Variants in CDRT4 observed in about 807,000 individuals in gnomAD.
CDRT4 encodes the protein CMT1A duplicated region transcript 4 protein.
For synonymous variants in CDRT4, 64 were observed against 69.6 expected, an observed-to-expected ratio of 0.92 and a Z score of 0.40; for missense variants, 167 against 193.1, an observed-to-expected ratio of 0.87 and a Z score of 0.80.
chr17:15,464,174 T>G lies in CDRT4; in HGVS notation c.-130+3286A>C, dbSNP rs1979887779. On this transcript the variant is annotated intron_variant, in intron 1 of 3. Coordinates refer to ENST00000619038, the MANE Select transcript of CDRT4 (RefSeq NM_001204477.2). The surrounding 1 kb of genome is among the most constrained non-coding windows in gnomAD (Gnocchi z 4.5). ...TAACCTCTCTGGCCGCGTTTTTCTC[T>G]GGTGATGTGTCACTGAGCTTGGGGA... is the stretch of plus-strand genomic sequence containing the variant. Among the ~76,000 whole-genome samples the G allele has an allele frequency of 6.6e-6, 1 of 152,104 alleles. No homozygotes were observed. Among genetic ancestry groups the G allele is most frequent in the Non-Finnish European group, 1.5e-5 (1 of 68,020 alleles).
intron 1 of CDRT4, among the ~76,000 whole-genome samples, chr17:15,455,326 G>A (rs887033): frequency 0.14 from 21,885 of 152,164 alleles, 2,739 homozygotes; most frequent in East Asian, 0.48. Flanking sequence ...CATGGAAATC[G>A]TTTTCCTCTG....
rs190485463 is a variant in CDRT4 at position 15,437,363 on chromosome 17, C to T, written c.*410G>A. The T allele has an allele frequency of 7.7e-5, 17 of 222,046 alleles. No individual in the cohort carries two copies. Among genetic ancestry groups the T allele is most frequent in the Admixed American group, 2.6e-4 (5 of 19,216 alleles). The allele number at this position is 222,046 out of a possible 1,614,324, so 13.8% of individuals were successfully genotyped here. On this transcript the variant is annotated 3_prime_UTR_variant, in exon 4 of 4. Coordinates refer to ENST00000619038, the MANE Select transcript of CDRT4 (RefSeq NM_001204477.2). ...AAGCCTCAAGTGTGATGCCTGCTTC[C>T]TGTGGTGCTACCTCCATGGATACCT...
At chr17:15,444,115 A>G (rs1399142917) in intron 2 of CDRT4, 18 of 1,266,708 alleles carry the variant, frequency 1.4e-5, no homozygotes, top group Admixed American at 1.7e-5. Flanking sequence ...ACAACAGTTA[A>G]AAACAAGGCA....
chr17:15,460,880 C>T (rs557928299), intron 1 of CDRT4, among the ~76,000 whole-genome samples: 5 of 152,110 alleles, frequency 3.3e-5, no homozygotes, highest in Non-Finnish European at 5.9e-5. Flanking sequence ...CTCCCTCCCC[C>T]GCCTTCCCCA....
chr17:15,442,284 C>G (rs1978799389), intron 2 of CDRT4, among the ~76,000 whole-genome samples: 1 of 151,996 alleles, frequency 6.6e-6, no homozygotes, highest in South Asian at 2.1e-4. Flanking sequence ...GTGATGCATG[C>G]CTGTAATCCC....
At chr17:15,457,817 G>C (rs1014613488) in intron 1 of CDRT4, among the ~76,000 whole-genome samples, 4 of 152,184 alleles carry the variant, frequency 2.6e-5, no homozygotes, top group Non-Finnish European at 5.9e-5. Flanking sequence ...CAGGGACGAG[G>C]CTAGGAGGTC....
chr17:15,445,431 T>A (rs1367032145), intron 2 of CDRT4, among the ~76,000 whole-genome samples: 1 of 152,188 alleles, frequency 6.6e-6, no homozygotes, highest in African/African-American at 2.4e-5. Context: ...GTCTGATATA[T>A]GTTAACTTGT....
intron 2 of CDRT4, among the ~76,000 whole-genome samples, chr17:15,443,445 A>AG: frequency 1.7e-5 from 1 of 59,156 alleles, no homozygotes; most frequent in South Asian, 1.0e-3. Context: ...ATAGCTGGAT[A>AG]ATTTTTTTTT....
intron 2 of CDRT4, among the ~76,000 whole-genome samples, chr17:15,446,319 A>G (rs1979024169): frequency 6.6e-6 from 1 of 152,094 alleles, no homozygotes; most frequent in Non-Finnish European, 1.5e-5. Context: ...TCCCATGGAA[A>G]CTGTCACCAT....
At chr17:15,440,616 A>G (rs1020206767) in intron 2 of CDRT4, among the ~76,000 whole-genome samples, 1 of 152,072 alleles carries the variant, frequency 6.6e-6, no homozygotes, top group Admixed American at 6.5e-5. Flanking sequence ...GTGAAAAAAA[A>G]AAGTCCCCGT....
At chr17:15,456,411 A>G (rs926344720) in intron 1 of CDRT4, among the ~76,000 whole-genome samples, 3 of 152,116 alleles carry the variant, frequency 2.0e-5, no homozygotes, top group Non-Finnish European at 2.9e-5. Flanking sequence ...AACTAAGTAA[A>G]AATGTTCTTG....
intron 1 of CDRT4, among the ~76,000 whole-genome samples, chr17:15,461,512 T>C (rs1001993195): frequency 6.6e-6 from 1 of 152,206 alleles, no homozygotes; most frequent in Non-Finnish European, 1.5e-5. Context: ...TCTGCTTCCT[T>C]AGTACCAGTA....
intron 2 of CDRT4, among the ~76,000 whole-genome samples, chr17:15,452,151 GACAA>G (rs1375283388): frequency 1.3e-5 from 2 of 152,190 alleles, no homozygotes; most frequent in African/African-American, 2.4e-5. Flanking sequence ...TGAAAAATAT[GACAA>G]ACAAATAGGA....
At chr17:15,443,974 T>C in intron 2 of CDRT4, 1 of 713,616 alleles carries the variant, frequency 1.4e-6, no homozygotes, top group Non-Finnish European at 2.6e-6. Flanking sequence ...ATCCAAAATT[T>C]CTTGGGTGAA....
At chr17:15,460,666 T>C (rs1979705132) in intron 1 of CDRT4, among the ~76,000 whole-genome samples, 1 of 152,108 alleles carries the variant, frequency 6.6e-6, no homozygotes, top group South Asian at 2.1e-4. Context: ...CTGGCCTCCC[T>C]GCTCCCACAC....
intron 1 of CDRT4, among the ~76,000 whole-genome samples, chr17:15,465,927 G>T (rs1193021778): frequency 1.3e-5 from 2 of 152,164 alleles, no homozygotes; most frequent in African/African-American, 2.4e-5. Context: ...GCACCTGGGG[G>T]CAGATCCAGT....
chr17:15,443,516 C>A (rs189632625), intron 2 of CDRT4: 2 of 184,492 alleles, frequency 1.1e-5, no homozygotes. Context: ...TTCCTGGGCC[C>A]AAGCGATCCT....
intron 1 of CDRT4, among the ~76,000 whole-genome samples, chr17:15,459,256 A>G (rs2906976): frequency 0.73 from 110,603 of 151,732 alleles, 40,443 homozygotes; most frequent in African/African-American, 0.78. Flanking sequence ...AGACAAATGG[A>G]GCTTCTTTTG....
chr17:15,447,461 C>T (rs1979076474), intron 2 of CDRT4, among the ~76,000 whole-genome samples: 2 of 152,190 alleles, frequency 1.3e-5, no homozygotes, highest in African/African-American at 2.4e-5. Flanking sequence ...CACTCGGGAT[C>T]CATGTTCTTC....
Sources: gnomAD v4.1 joint callset for allele counts (sites outside exome capture counted in the v4.1 genomes callset) on GRCh38, gnomAD v4.1.1 for gene constraint, Gnocchi (gnomAD v3.1) non-coding constraint, MANE v1.5 for transcripts, NCBI Gene and HGNC (gene_info 2026-07-23, HGNC 2026-07-21) for gene names.